TNNI3K: variants seen among roughly 807,000 people sequenced by gnomAD.
TNNI3K encodes TNNI3 interacting kinase, also known as serine/threonine-protein kinase TNNI3K.
In TNNI3K, 140 loss-of-function variants were observed where a neutral mutation model predicts 114.5. That is an observed-to-expected ratio of 1.22 (90% CI 1.07 to 1.41). The LOEUF is 1.41. Among genes scored for constraint, TNNI3K ranks in the 40% most tolerant of loss-of-function variants. The probability of loss-of-function intolerance (pLI) is 0.00; values close to 1 mark genes in which losing one functional copy is unlikely to be tolerated. For synonymous variants in TNNI3K, 347 were observed against 347.5 expected (o/e 1.00, Z 0.02); for missense variants, 1,125 against 1,007.6 (o/e 1.12, Z -1.58).
At chr1:74,375,769 G>A (rs1662874239) in intron 17 of TNNI3K, 3 of 357,324 alleles carry the variant, frequency 8.4e-6, no homozygotes, top group Non-Finnish European at 1.7e-5. Flanking sequence ...AAGTTTTTGA[G>A]AAGACTGATT....
chr1:74,404,141 T>C (rs1664501345), intron 17 of TNNI3K, among the ~76,000 whole-genome samples: 2 of 152,140 alleles, frequency 1.3e-5, no homozygotes, highest in African/African-American at 4.8e-5. Context: ...GTAATGTGTA[T>C]CTGAGTCACC....
chr1:74,477,240 A>G (rs10493542), intron 21 of TNNI3K, among the ~76,000 whole-genome samples: 14,164 of 152,184 alleles, frequency 0.093, 1,691 homozygotes, highest in African/African-American at 0.28. Flanking sequence ...TCAAAGCTAT[A>G]TTCTGACACT....
intron 11 of TNNI3K, among the ~76,000 whole-genome samples, chr1:74,355,411 C>G: frequency 6.6e-6 from 1 of 152,064 alleles, no homozygotes. Context: ...CAAGACCAGC[C>G]TGGCCAACAT....
chr1:74,437,889 T>C (rs1376539797), intron 19 of TNNI3K, among the ~76,000 whole-genome samples: 1 of 151,780 alleles, frequency 6.6e-6, no homozygotes, highest in Non-Finnish European at 1.5e-5. Flanking sequence ...CTTTTAAAAA[T>C]TCCCCCACAT....
chr1:74,365,091 G>A (rs1662194010), intron 11 of TNNI3K, among the ~76,000 whole-genome samples: 1 of 152,032 alleles, frequency 6.6e-6, no homozygotes, highest in African/African-American at 2.4e-5. Flanking sequence ...AAAAAGTAAA[G>A]TGTAAAAGCA....
intron 17 of TNNI3K, among the ~76,000 whole-genome samples, chr1:74,425,993 T>C (rs1317305402): frequency 4.5e-5 from 2 of 44,050 alleles, no homozygotes; most frequent in Admixed American, 5.8e-4. Context: ...CGCTGAAAGG[T>C]TCAGTGAATT....
chr1:74,431,929 A>G (rs1023520679), intron 17 of TNNI3K, among the ~76,000 whole-genome samples: 6 of 152,168 alleles, frequency 3.9e-5, no homozygotes, highest in African/African-American at 1.4e-4. Context: ...TACTCTAAGC[A>G]TAAAGGACTA....
chr1:74,349,949 G>C (rs1271195030), intron 9 of TNNI3K, among the ~76,000 whole-genome samples: 1 of 152,010 alleles, frequency 6.6e-6, no homozygotes, highest in Non-Finnish European at 1.5e-5. Flanking sequence ...TTTTTTGAAG[G>C]GTTTTTTGTG....
intron 2 of TNNI3K, among the ~76,000 whole-genome samples, chr1:74,248,320 C>T (rs941649002): frequency 8.5e-5 from 13 of 152,184 alleles, no homozygotes; most frequent in Admixed American, 6.5e-5. Flanking sequence ...CAGAGGGAGC[C>T]GGCTCTGGCC....
chr1:74,466,829 A>G (rs1667700746), intron 21 of TNNI3K, among the ~76,000 whole-genome samples: 1 of 152,194 alleles, frequency 6.6e-6, no homozygotes, highest in Non-Finnish European at 1.5e-5. Flanking sequence ...TTATTTGTTG[A>G]GTTCCTACTG....
intron 11 of TNNI3K, among the ~76,000 whole-genome samples, chr1:74,354,334 A>C (rs565062405): frequency 6.6e-6 from 1 of 152,314 alleles, no homozygotes; most frequent in South Asian, 2.1e-4. Flanking sequence ...GATGAACCAA[A>C]GGCATTCTCA....
chr1:74,361,197 T>G (rs1251471495), intron 11 of TNNI3K, among the ~76,000 whole-genome samples: 2 of 152,112 alleles, frequency 1.3e-5, no homozygotes, highest in African/African-American at 4.8e-5. Flanking sequence ...CCTCTTTCCA[T>G]GCATTGGAAC....
At chr1:74,518,441 T>C (rs1646379999) in intron 23 of TNNI3K, among the ~76,000 whole-genome samples, 1 of 152,192 alleles carries the variant, frequency 6.6e-6, no homozygotes, top group African/African-American at 2.4e-5. Flanking sequence ...AAAGGGCAGT[T>C]ATAGACTCTT....
At chr1:74,434,676 A>G (rs1051529906) in intron 17 of TNNI3K, among the ~76,000 whole-genome samples, 3 of 151,982 alleles carry the variant, frequency 2.0e-5, no homozygotes, top group African/African-American at 7.2e-5. Flanking sequence ...CATCATGTGT[A>G]TTAATTAGTA....
At chr1:74,242,632 AGT>A (rs1331080857) in intron 2 of TNNI3K, among the ~76,000 whole-genome samples, 1 of 152,206 alleles carries the variant, frequency 6.6e-6, no homozygotes, top group Non-Finnish European at 1.5e-5. Flanking sequence ...CATGTTTGGT[AGT>A]GTGTTTTGCC....
chr1:74,345,861 T>C (rs1660972566), intron 9 of TNNI3K: 1 of 152,218 alleles, frequency 6.6e-6, no homozygotes, highest in Admixed American at 6.5e-5. Flanking sequence ...CAAAATCTTT[T>C]TCTCAATGCA....
chr1:74,315,618 C>T (rs963534274), intron 5 of TNNI3K, among the ~76,000 whole-genome samples: 1 of 151,486 alleles, frequency 6.6e-6, no homozygotes, highest in Non-Finnish European at 1.5e-5. Context: ...TATTGCTTTC[C>T]TAGAGGCAAT....
At chr1:74,327,618 T>C (rs1316455154) in intron 5 of TNNI3K, among the ~76,000 whole-genome samples, 1 of 141,702 alleles carries the variant, frequency 7.1e-6, no homozygotes, top group East Asian at 2.1e-4. Flanking sequence ...ATTATATTAA[T>C]AGTATTATTA....
chr1:74,305,278 G>T (rs1658553811), intron 5 of TNNI3K, among the ~76,000 whole-genome samples: 1 of 152,156 alleles, frequency 6.6e-6, no homozygotes. Flanking sequence ...CCGCACTGTA[G>T]AAGCCTACTT....
Sources: gnomAD v4.1 joint callset for allele counts (sites outside exome capture counted in the v4.1 genomes callset) on GRCh38, gnomAD v4.1.1 for gene constraint, MANE v1.5 for transcripts, NCBI Gene and HGNC (gene_info 2026-07-23, HGNC 2026-07-21) for gene names.